RASGEF1C: variants seen among roughly 807,000 people sequenced by gnomAD.
The protein encoded by RASGEF1C is RasGEF domain family member 1C.
In RASGEF1C, 27 loss-of-function variants were observed where a neutral mutation model predicts 58.1. The observed-to-expected ratio is 0.46, with a 90% CI of 0.34 to 0.64. RASGEF1C has a LOEUF of 0.64. RASGEF1C is among the 30% of genes least tolerant of loss of function. The pLI, the probability that RASGEF1C is intolerant of heterozygous loss-of-function variation, is 0.01. For missense variants in RASGEF1C, 502 were observed against 605.1 expected, an observed-to-expected ratio of 0.83 and a Z score of 1.79; for synonymous variants, 243 against 246.3, an observed-to-expected ratio of 0.99 and a Z score of 0.13.
chr5:180,123,217 T>C (rs192891173), intron 6 of RASGEF1C, among the ~76,000 whole-genome samples: 59 of 152,326 alleles, frequency 3.9e-4, no homozygotes, highest in African/African-American at 1.3e-3. Flanking sequence ...ATAGGTTCAA[T>C]ATATGGAGGC....
chr5:180,115,100 C>T (rs143127479), intron 10 of RASGEF1C: 105 of 295,686 alleles, frequency 3.6e-4, no homozygotes, highest in African/African-American at 1.9e-3. Flanking sequence ...CTGCAAGCTC[C>T]GCCTCCCAGG....
chr5:180,160,211 C>T (rs1268437870), intron 1 of RASGEF1C, among the ~76,000 whole-genome samples: 1 of 152,224 alleles, frequency 6.6e-6, no homozygotes, highest in Non-Finnish European at 1.5e-5. Flanking sequence ...TCCCAAGCCC[C>T]TCCTACAAGA....
intron 12 of RASGEF1C, among the ~76,000 whole-genome samples, chr5:180,103,556 G>C (rs567506054): frequency 6.6e-5 from 10 of 152,290 alleles, no homozygotes; most frequent in African/African-American, 2.2e-4. Context: ...CTGCAACCTT[G>C]CTGAACTCCC....
At chr5:180,181,688 T>C (rs1056185350) in intron 1 of RASGEF1C, among the ~76,000 whole-genome samples, 4 of 152,230 alleles carry the variant, frequency 2.6e-5, no homozygotes, top group Non-Finnish European at 5.9e-5. Flanking sequence ...ATGTGTCCCA[T>C]GAGCCCCTGA....
intron 6 of RASGEF1C, among the ~76,000 whole-genome samples, chr5:180,124,918 G>A (rs1766230562): frequency 6.6e-6 from 1 of 152,134 alleles, no homozygotes; most frequent in South Asian, 2.1e-4. Flanking sequence ...GATCTCTTGA[G>A]CTCAGGAGTT....
chr5:180,195,198 C>T (rs1329197774), intron 1 of RASGEF1C, among the ~76,000 whole-genome samples: 1 of 152,122 alleles, frequency 6.6e-6, no homozygotes, highest in East Asian at 1.9e-4. Flanking sequence ...CGTGCCCTCC[C>T]GCCAGCGTCC....
intron 1 of RASGEF1C, among the ~76,000 whole-genome samples, chr5:180,171,360 C>A (rs1767103462): frequency 6.6e-6 from 1 of 152,032 alleles, no homozygotes; most frequent in South Asian, 2.1e-4. Context: ...GACCTGAAGA[C>A]TGGTGGAAAA....
chr5:180,119,303 G>C, intron 8 of RASGEF1C, 43 bp downstream of exon 8: 1 of 1,517,694 alleles, frequency 6.6e-7, no homozygotes. Context: ...GCCTCTCGGG[G>C]GACCCGTGCA....
intron 12 of RASGEF1C, among the ~76,000 whole-genome samples, chr5:180,103,237 C>T (rs1765822667): frequency 6.6e-6 from 1 of 152,162 alleles, no homozygotes; most frequent in African/African-American, 2.4e-5. Context: ...ACCACCACGC[C>T]CGGCTAATGT....
chr5:180,128,070 G>A (rs1766293399), intron 5 of RASGEF1C, among the ~76,000 whole-genome samples: 1 of 152,218 alleles, frequency 6.6e-6, no homozygotes, highest in South Asian at 2.1e-4. Context: ...TTGGCAAGTC[G>A]CTTCACCTTT....
rs572599067 is a variant in RASGEF1C, at chr5:180,137,794, C to G, written c.177+82G>C. 1,941 of 1,603,050 alleles carry G rather than the reference C, an allele frequency of 1.2e-3. 1 individual carries two copies. The highest frequency in any genetic ancestry group is 1.7e-3 in the Admixed American group (99 of 59,146). ...CTTCCCAGCTGGCCCTGTACCCTGG[C>G]CCAAGGTCACGCCCAACCCTGATGC... On this transcript the variant is annotated intron_variant, in intron 2 of 13. Coordinates refer to ENST00000361132, the MANE Select transcript of RASGEF1C (RefSeq NM_175062.4). The surrounding 1 kb of genome is among the most constrained non-coding windows in gnomAD (Gnocchi z 4.1).
At chr5:180,135,891 A>G (rs990767079) in intron 4 of RASGEF1C, among the ~76,000 whole-genome samples, 5 of 152,240 alleles carry the variant, frequency 3.3e-5, no homozygotes, top group Non-Finnish European at 7.3e-5. Flanking sequence ...CTGTTTGGAC[A>G]GATGTGGCCA....
At chr5:180,196,615 A>G (rs939262216) in intron 1 of RASGEF1C, among the ~76,000 whole-genome samples, 3 of 152,168 alleles carry the variant, frequency 2.0e-5, no homozygotes, top group African/African-American at 7.2e-5. Context: ...TTTTCTCTGA[A>G]GTATATCAAA....
intron 4 of RASGEF1C, among the ~76,000 whole-genome samples, chr5:180,131,064 T>A (rs1426616656): frequency 6.6e-6 from 1 of 152,048 alleles, no homozygotes; most frequent in Non-Finnish European, 1.5e-5. Flanking sequence ...CACCACTGTC[T>A]CTGGAGCCCA....
chr5:180,205,188 C>G lies in RASGEF1C; in HGVS notation c.-7+3840G>C, dbSNP rs908741536. Among the ~76,000 whole-genome samples the G allele has an allele frequency of 5.2e-4, 78 of 149,162 alleles. 1 individual carries two copies. Among genetic ancestry groups the G allele is most frequent in the African/African-American group, 1.9e-3 (76 of 40,452 alleles). On this transcript the variant is annotated intron_variant, in intron 1 of 13. Coordinates refer to ENST00000361132, the MANE Select transcript of RASGEF1C (RefSeq NM_175062.4). ...TGGGTGACAGAGCGAGACTCCGTCT[C>G]AAAATAAATAAATAAATAAATAAAA...
At chr5:180,187,021 C>T (rs920183395) in intron 1 of RASGEF1C, among the ~76,000 whole-genome samples, 3 of 152,144 alleles carry the variant, frequency 2.0e-5, no homozygotes, top group African/African-American at 7.2e-5. Flanking sequence ...GCAAAGGTCC[C>T]TAAATAGCCA....
At chr5:180,107,736 G>T (rs1282744373) in intron 12 of RASGEF1C, among the ~76,000 whole-genome samples, 11 of 152,220 alleles carry the variant, frequency 7.2e-5, no homozygotes, top group Admixed American at 7.2e-4. Flanking sequence ...AGCCACCCAA[G>T]TAGCTGGGAT....
chr5:180,109,351 G>C (rs931552316), intron 12 of RASGEF1C, among the ~76,000 whole-genome samples: 11 of 152,098 alleles, frequency 7.2e-5, no homozygotes, highest in Non-Finnish European at 1.5e-4. Context: ...CCAGCTACTC[G>C]GGAGGCTGAG....
rs142634601 is a variant in RASGEF1C at position 180,142,369 on chromosome 5, C to T, written c.-6-4311G>A. Reference sequence around the variant, plus strand: ...CACCACTGCGGGGAGGGGTGGTATGCGTTGTCATGGTCCCTTTAATTGTAC... The same window carrying T: ...CACCACTGCGGGGAGGGGTGGTATGTGTTGTCATGGTCCCTTTAATTGTAC... On this transcript the variant is annotated intron_variant, in intron 1 of 13. Coordinates refer to ENST00000361132, the MANE Select transcript of RASGEF1C (RefSeq NM_175062.4). Among the ~76,000 whole-genome samples, 234 of 152,212 alleles carry T rather than the reference C, an allele frequency of 1.5e-3. 2 individuals are homozygous for T. Among genetic ancestry groups the T allele is most frequent in the African/African-American group, 3.7e-3 (153 of 41,538 alleles).
Sources: allele counts gnomAD v4.1 joint callset (sites outside exome capture counted in the v4.1 genomes callset), GRCh38; gene constraint gnomAD v4.1.1; non-coding constraint Gnocchi (gnomAD v3.1); transcripts MANE v1.5; gene names NCBI Gene and HGNC (gene_info 2026-07-23, HGNC 2026-07-21).